The following UBL3 variants were observed in gnomAD, a reference collection of about 807,000 sequenced individuals.
UBL3 encodes the protein ubiquitin like 3.
Under a neutral mutation model 18.4 loss-of-function variants are expected in UBL3, and 6 were observed. That is an observed-to-expected ratio of 0.33 (90% CI 0.18 to 0.64). The LOEUF (loss-of-function observed/expected upper bound fraction) is 0.64, where lower values mean the gene tolerates loss of function less well. Ranked by LOEUF, UBL3 falls within the 30% of genes least tolerant of loss-of-function variation. UBL3 has a pLI of 0.76. For missense variants in UBL3, 109 were observed against 142.9 expected, an observed-to-expected ratio of 0.76 and a Z score of 1.21; for synonymous variants, 49 against 46.6, an observed-to-expected ratio of 1.05 and a Z score of -0.21.
At position 29,837,915 on chromosome 13, in the gene UBL3, C is replaced by CAATAAT. The variant is rs373812724; in HGVS notation, c.27+11591_27+11596dup. Reference sequence around the variant, plus strand: ...ACTGCACACCAGCAAGACTCTGTCTCAATAATAATAATAATAATAATAATA... The same window carrying CAATAAT: ...ACTGCACACCAGCAAGACTCTGTCTCAATAATAATAATAATAATAATAATAATAATA... On this transcript the variant is annotated intron_variant, in intron 1 of 4. Coordinates refer to ENST00000380680, the MANE Select transcript of UBL3 (RefSeq NM_007106.4). Among the ~76,000 whole-genome samples, 468 of 141,494 alleles carry CAATAAT rather than the reference C, an allele frequency of 3.3e-3. 3 individuals are homozygous for CAATAAT. Among genetic ancestry groups the CAATAAT allele is most frequent in the Middle Eastern group, 0.021 (6 of 282 alleles). 92.8% of individuals were successfully genotyped at this position (141,494 alleles called of 152,430 possible).
intron 1 of UBL3, among the ~76,000 whole-genome samples, chr13:29,848,995 TCA>T (rs1303963130): frequency 6.6e-6 from 1 of 152,238 alleles, no homozygotes; most frequent in Non-Finnish European, 1.5e-5. Context: ...CCATCCGTAT[TCA>T]GACATTTCAA....
Position 29,767,762 on chromosome 13 carries a change from A to G in UBL3, c.224-67T>C, listed in dbSNP as rs542574197. ...CCTATTAAAATCACTATCCAGATTT[A>G]AAACCATTTTAAAAATTGATTGCTT... On this transcript the variant is annotated intron_variant, in intron 3 of 4. Coordinates refer to ENST00000380680, the MANE Select transcript of UBL3 (RefSeq NM_007106.4). 10 of 1,407,080 alleles carry G rather than the reference A, an allele frequency of 7.1e-6. No individual in the cohort carries two copies. In the Admixed American group the frequency reaches 1.1e-4, roughly 15 times the overall value. The allele number at this position is 1,407,080 out of a possible 1,614,324, so 87.2% of individuals were successfully genotyped here. A position where few individuals can be genotyped will look rare whatever the true frequency, so the allele number is the denominator to read the frequency against.
chr13:29,801,009 C>A (rs1346176448), intron 1 of UBL3, among the ~76,000 whole-genome samples: 1 of 152,126 alleles, frequency 6.6e-6, no homozygotes, highest in East Asian at 1.9e-4. Context: ...AACCTGGACC[C>A]CCAGCACATC....
chr13:29,793,392 T>A (rs1200158343), intron 1 of UBL3, among the ~76,000 whole-genome samples: 2 of 151,778 alleles, frequency 1.3e-5, no homozygotes, highest in South Asian at 4.1e-4. Flanking sequence ...ATATCACATA[T>A]TTTTTGCAAA....
intron 1 of UBL3, among the ~76,000 whole-genome samples, chr13:29,810,420 C>T (rs116214716): frequency 0.01 from 1,555 of 151,864 alleles, 27 homozygotes; most frequent in African/African-American, 0.036. Flanking sequence ...AAAGAGTTGG[C>T]CAAAGAAACT....
chr13:29,783,916 G>C (rs531379696), intron 1 of UBL3, among the ~76,000 whole-genome samples: 44 of 152,256 alleles, frequency 2.9e-4, no homozygotes, highest in African/African-American at 1.0e-3. Context: ...CTTGGTATGA[G>C]AGCTATTATG....
At chr13:29,789,242 GAA>G (rs1223480577) in intron 1 of UBL3, among the ~76,000 whole-genome samples, 2 of 152,144 alleles carry the variant, frequency 1.3e-5, no homozygotes, top group African/African-American at 4.8e-5. Flanking sequence ...TTTGCAAAAT[GAA>G]AAGAGTTCTG....
chr13:29,826,434 A>G (rs1308344603), intron 1 of UBL3, among the ~76,000 whole-genome samples: 2 of 152,078 alleles, frequency 1.3e-5, no homozygotes, highest in East Asian at 1.9e-4. Flanking sequence ...GGGAGGGTGT[A>G]TGTGTCCAGG....
At chr13:29,801,120 G>T (rs896093180) in intron 1 of UBL3, among the ~76,000 whole-genome samples, 1 of 152,136 alleles carries the variant, frequency 6.6e-6, no homozygotes, top group Non-Finnish European at 1.5e-5. Flanking sequence ...AGATGCAGGG[G>T]TACTGCCCTT....
chr13:29,843,384 G>C (rs1879154427), intron 1 of UBL3, among the ~76,000 whole-genome samples: 1 of 151,766 alleles, frequency 6.6e-6, no homozygotes, highest in Non-Finnish European at 1.5e-5. Context: ...AACATATTAG[G>C]TGAGCATTAT....
chr13:29,789,348 T>C (rs1877425663), intron 1 of UBL3, among the ~76,000 whole-genome samples: 1 of 152,240 alleles, frequency 6.6e-6, no homozygotes, highest in Non-Finnish European at 1.5e-5. Context: ...CACTTTATGT[T>C]ATATGTATTT....
chr13:29,782,452 T>C (rs968714530), intron 1 of UBL3, among the ~76,000 whole-genome samples: 6 of 152,216 alleles, frequency 3.9e-5, no homozygotes, highest in African/African-American at 1.4e-4. Flanking sequence ...ATCTAGATGT[T>C]CAGAATGTTG....
Position 29,779,902 on chromosome 13 carries a change from G to A in UBL3, c.28-2639C>T, listed in dbSNP as rs558968236. Among the ~76,000 whole-genome samples, 3 of 152,236 alleles carry A rather than the reference G, an allele frequency of 2.0e-5. No individual in the cohort carries two copies. In the East Asian group the frequency reaches 5.8e-4, roughly 29 times the overall value. ...GTGAGATCGTAAGGGTGAGGTCCTCGTCTGTACCACAGCGGCCTTATAAGA... is the reference window on the plus strand; with the variant it reads ...GTGAGATCGTAAGGGTGAGGTCCTCATCTGTACCACAGCGGCCTTATAAGA... On this transcript the variant is annotated intron_variant, in intron 1 of 4. Coordinates refer to ENST00000380680, the MANE Select transcript of UBL3 (RefSeq NM_007106.4).
chr13:29,772,750 T>A (rs920999928), intron 2 of UBL3, among the ~76,000 whole-genome samples: 3 of 152,072 alleles, frequency 2.0e-5, no homozygotes, highest in Non-Finnish European at 4.4e-5. Context: ...AAGATACAAC[T>A]TTAGTTCACC....
chr13:29,783,750 C>G (rs1428271780), intron 1 of UBL3, among the ~76,000 whole-genome samples: 1 of 152,058 alleles, frequency 6.6e-6, no homozygotes, highest in Non-Finnish European at 1.5e-5. Context: ...CAAGCTAAGT[C>G]TAAGTATAAA....
At chr13:29,768,023 T>C (rs1243423471) in intron 3 of UBL3, among the ~76,000 whole-genome samples, 1 of 152,112 alleles carries the variant, frequency 6.6e-6, no homozygotes, top group Admixed American at 6.5e-5. Flanking sequence ...AATACTCTTT[T>C]CTATATTAGG....
At chr13:29,782,820 T>C (rs1877212324) in intron 1 of UBL3, among the ~76,000 whole-genome samples, 2 of 152,210 alleles carry the variant, frequency 1.3e-5, no homozygotes, top group Admixed American at 6.5e-5. Flanking sequence ...TCAAGTCTTA[T>C]AGCAAAACTG....
At chr13:29,782,960 G>C (rs989360053) in intron 1 of UBL3, among the ~76,000 whole-genome samples, 2 of 152,176 alleles carry the variant, frequency 1.3e-5, no homozygotes, top group East Asian at 3.9e-4. Context: ...ATAGTAGTAG[G>C]TGCTCAGCCA....
chr13:29,849,186 T>C (rs931493595), intron 1 of UBL3, among the ~76,000 whole-genome samples: 1 of 152,242 alleles, frequency 6.6e-6, no homozygotes. Context: ...CCACTGTCCC[T>C]GACGTTTTCA....
Sources: gnomAD v4.1 joint callset for allele counts (sites outside exome capture counted in the v4.1 genomes callset) on GRCh38, gnomAD v4.1.1 for gene constraint, MANE v1.5 for transcripts, NCBI Gene and HGNC (gene_info 2026-07-23, HGNC 2026-07-21) for gene names.